The following DMD variants were observed in gnomAD, a reference collection of about 807,000 sequenced individuals.
DMD encodes the protein dystrophin, also known as mutant dystrophin.
Under a neutral mutation model 330.1 loss-of-function variants are expected in DMD, and 63 were observed. That is an observed-to-expected ratio of 0.19 (90% confidence interval 0.16 to 0.24). The LOEUF is 0.24. Among genes scored for constraint, DMD ranks in the 10% least tolerant of loss-of-function variants. The pLI is 1.00. For synonymous variants in DMD, 1,223 were observed against 959.8 expected (o/e 1.27, Z -5.07); for missense variants, 3,344 against 2,684.1 (o/e 1.25, Z -5.43).
At position 33,027,192 on chromosome X, in the gene DMD, G is replaced by A. The variant is rs144829299; in HGVS notation, c.32-6992C>T. The stretch of plus-strand genomic sequence containing the variant: ...TTATCCCAGATTATCTGAGTGGGCA[G>A]GATTTAATCACAGGGGTCCTTAAAA... On this transcript the variant is annotated intron_variant, in intron 1 of 78. Coordinates refer to ENST00000357033, the MANE Select transcript of DMD (RefSeq NM_004006.3). 6.8e-3 allele frequency among the ~76,000 whole-genome samples: 767 copies of A among 112,031 alleles called. 4 individuals carry two copies. Among genetic ancestry groups the A allele is most frequent in the African/African-American group, 0.024 (735 of 30,819 alleles).
rs1247478308 is a variant in DMD, at chrX:32,172,774, T to C, written c.6438+44142A>G. Among the ~76,000 whole-genome samples, 7 of 112,147 alleles carry C rather than the reference T, an allele frequency of 6.2e-5. No individual in the cohort carries two copies. The East Asian group carries it at 2.0e-3, about 31-fold the overall frequency. On this transcript the variant is annotated intron_variant, in intron 44 of 78. Coordinates refer to ENST00000357033, the MANE Select transcript of DMD (RefSeq NM_004006.3). ...GTGGCCAGTTCCTTACAACCTTGCT[T>C]ATATAAAGAGGACATTCACAACATG...
intron 44 of DMD, among the ~76,000 whole-genome samples, chrX:32,118,695 C>T (rs947411934): frequency 4.5e-5 from 5 of 109,988 alleles, no homozygotes; most frequent in East Asian, 2.9e-4. Context: ...TGAAAACCAT[C>T]GCCCTATAGC....
chrX:32,217,795 A>G (rs780459888), intron 43 of DMD, among the ~76,000 whole-genome samples: 2 of 111,854 alleles, frequency 1.8e-5, no homozygotes, highest in East Asian at 2.8e-4. Flanking sequence ...TAAAAATATA[A>G]CTAAAATACC....
At chrX:32,172,048 TAGAA>T (rs2096889562) in intron 44 of DMD, among the ~76,000 whole-genome samples, 1 of 111,797 alleles carries the variant, frequency 8.9e-6, no homozygotes, top group Non-Finnish European at 1.9e-5. Flanking sequence ...ATTAGACAAA[TAGAA>T]GGAACAAATG....
chrX:32,512,709 C>T (rs1311797793), intron 18 of DMD, among the ~76,000 whole-genome samples: 1 of 112,361 alleles, frequency 8.9e-6, no homozygotes, highest in Admixed American at 9.4e-5. Flanking sequence ...CAGACAAAGA[C>T]CACTGGAACA....
chrX:32,653,149 G>A (rs2060291797), intron 9 of DMD, among the ~76,000 whole-genome samples: 1 of 111,800 alleles, frequency 8.9e-6, no homozygotes, highest in East Asian at 2.8e-4. Flanking sequence ...CTTTGCAGAA[G>A]CTCCTTGGTT....
chrX:32,488,274 G>A (rs949166385), intron 20 of DMD, among the ~76,000 whole-genome samples: 2 of 111,555 alleles, frequency 1.8e-5, no homozygotes, highest in African/African-American at 6.5e-5. Flanking sequence ...TATCTCCTTT[G>A]AGTCTGTTTA....
At chrX:31,946,500 AAAT>A (rs2150072911) in intron 45 of DMD, among the ~76,000 whole-genome samples, 1 of 111,885 alleles carries the variant, frequency 8.9e-6, no homozygotes, top group Non-Finnish European at 1.9e-5. Flanking sequence ...AATTCATTAA[AAAT>A]TTGGTACAAG....
At chrX:32,748,310 C>G (rs1383666202) in intron 7 of DMD, among the ~76,000 whole-genome samples, 12 of 103,243 alleles carry the variant, frequency 1.2e-4, no homozygotes, top group Non-Finnish European at 1.8e-4. Flanking sequence ...TGCCACTGCA[C>G]TCTCCAGACT....
At chrX:32,228,834 T>A in intron 43 of DMD, among the ~76,000 whole-genome samples, 1 of 111,530 alleles carries the variant, frequency 9.0e-6, no homozygotes, top group Non-Finnish European at 1.9e-5. Context: ...AAAACATATA[T>A]AATAGGTGTA....
intron 7 of DMD, among the ~76,000 whole-genome samples, chrX:32,741,808 A>G (rs1439835471): frequency 1.8e-5 from 2 of 111,949 alleles, no homozygotes; most frequent in Non-Finnish European, 3.8e-5. Context: ...ATTGTATGGC[A>G]TATAAATTAT....
intron 60 of DMD, among the ~76,000 whole-genome samples, chrX:31,373,401 G>A (rs375122434): frequency 2.2e-4 from 21 of 95,312 alleles, no homozygotes; most frequent in Admixed American, 7.3e-4. Flanking sequence ...GAGGCATCAC[G>A]CTACCTGACT....
At chrX:33,272,478 A>G (rs985620249) in intron 1 of DMD, among the ~76,000 whole-genome samples, 1 of 111,991 alleles carries the variant, frequency 8.9e-6, no homozygotes, top group Admixed American at 9.5e-5. Flanking sequence ...AATAAAGCAG[A>G]TAGAATCGTG....
chrX:32,849,768 C>A lies in DMD; in HGVS notation c.146G>T (p.Arg49Leu). The stretch of plus-strand genomic sequence containing the variant: ...CAGGCCTTCGAGGAGGTCTAGGAGG[C>A]GCCTCCCATCCTGTAGGTCACTGAA... ...NLFSDLQDGRRLLDLLEGLTG... is the reference protein window; with the variant it reads ...NLFSDLQDGRLLLDLLEGLTG... Residue 49 changes from arginine (R) to leucine (L), a missense_variant, in exon 3 of 79, where the codon CGC (arginine) becomes CTC (leucine). By Grantham distance (102) the Arg-to-Leu change is moderately radical (BLOSUM62 -2). Transcript: ENST00000357033. 1 of 1,209,185 alleles carries A rather than the reference C, an allele frequency of 8.3e-7. No homozygotes were observed. The highest frequency in any genetic ancestry group is 1.1e-6 in the Non-Finnish European group (1 of 893,852).
chrX:31,422,719 C>G (rs1391549549), intron 60 of DMD, among the ~76,000 whole-genome samples: 2 of 112,030 alleles, frequency 1.8e-5, no homozygotes, highest in Non-Finnish European at 3.8e-5. Context: ...TACTACCACA[C>G]TTTTCCTTTC....
At chrX:32,218,621 A>G (rs1343617080) in intron 43 of DMD, among the ~76,000 whole-genome samples, 1 of 112,270 alleles carries the variant, frequency 8.9e-6, no homozygotes, top group African/African-American at 3.2e-5. Flanking sequence ...AAAGGAATTA[A>G]CATTTATTAA....
chrX:32,845,772 C>T (rs755089257), intron 3 of DMD, among the ~76,000 whole-genome samples: 3 of 112,360 alleles, frequency 2.7e-5, no homozygotes, highest in African/African-American at 9.7e-5. Context: ...TTTGTGCTGT[C>T]TGGCCTACAT....
chrX:32,914,462 T>G (rs924956089), intron 2 of DMD, among the ~76,000 whole-genome samples: 5 of 112,268 alleles, frequency 4.5e-5, no homozygotes, highest in Non-Finnish European at 9.4e-5. Flanking sequence ...TTGGCTAAAG[T>G]TTATTACTAG....
chrX:32,626,908 A>C (rs920780982), intron 11 of DMD, among the ~76,000 whole-genome samples: 1 of 105,766 alleles, frequency 9.5e-6, no homozygotes, highest in Non-Finnish European at 1.9e-5. Flanking sequence ...TCCGGCTTTT[A>C]TTCAAACTAT....
Sources: gnomAD v4.1 joint callset for allele counts (sites outside exome capture counted in the v4.1 genomes callset) on GRCh38, gnomAD v4.1.1 for gene constraint, MANE v1.5 for transcripts, NCBI Gene and HGNC (gene_info 2026-07-23, HGNC 2026-07-21) for gene names.